Variants in RPL23A observed in about 807,000 individuals in gnomAD.
The protein encoded by RPL23A is large ribosomal subunit protein uL23.
Under a neutral mutation model 17.6 loss-of-function variants are expected in RPL23A, and 2 were observed. That is an observed-to-expected ratio of 0.11 (90% CI 0.05 to 0.36). RPL23A has a LOEUF of 0.36. Ranked by LOEUF, RPL23A falls within the 10% of genes least tolerant of loss-of-function variation. RPL23A has a pLI of 1.00. For synonymous variants in RPL23A, 65 were observed against 74.3 expected (o/e 0.87, Z 0.65); for missense variants, 132 against 194.4 (o/e 0.68, Z 1.91).
chr17:28,724,314 T>G lies in RPL23A; in HGVS notation c.*433T>G. ...TACTATGTCCAACCGGTCTGTCTGC[T>G]TCCCTCACCCCTTGCCCAATAAAGG... On this transcript the variant is annotated 3_prime_UTR_variant, in exon 5 of 5. Transcript: ENST00000422514. 1.3e-6 allele frequency: 1 copy of G among 748,382 alleles called. No individual in the cohort carries two copies. The highest frequency in any genetic ancestry group is 2.2e-6 in the Non-Finnish European group (1 of 453,042). The allele number at this position is 748,382 out of a possible 1,614,324, so 46.4% of individuals were successfully genotyped here.
chr17:28,723,815 G>A (rs192190729), intron 4 of RPL23A, 52 bp from the exon 5 acceptor site: 5 of 1,560,352 alleles, frequency 3.2e-6, no homozygotes, highest in Non-Finnish European at 4.4e-6. Context: ...TAACATTCCA[G>A]CTTAATCTTC....
In RPL23A at chr17:28,723,705, C is replaced by T. The variant is rs76539025; in HGVS notation, c.456+65C>T. The T allele has an allele frequency of 3.3e-3, 4,922 of 1,484,802 alleles. 157 individuals carry two copies. The African/African-American group carries it at 0.059, about 18-fold the overall frequency. 92.0% of individuals were successfully genotyped at this position (1,484,802 alleles called of 1,614,324 possible). A position where few individuals can be genotyped will look rare whatever the true frequency, so the allele number is the denominator to read the frequency against. On this transcript the variant is annotated intron_variant, in intron 4 of 4. Coordinates refer to ENST00000422514, the MANE Select transcript of RPL23A (RefSeq NM_000984.6). ...TGGGTGCAAATGATGCATATGTTAG[C>T]GACCAAAGCCTGATCTTTGCTGATT...
At position 28,720,353 on chromosome 17, in the gene RPL23A, T is replaced by TCATACTTTCATACTGCTCAAGG. The variant is rs1467938912; in HGVS notation, c.25+323_25+324insCATACTTTCATACTGCTCAAGG. 1.9e-6 allele frequency: 3 copies of TCATACTTTCATACTGCTCAAGG among 1,553,692 alleles called. No homozygotes were observed. The South Asian group carries it at 3.5e-5, about 18-fold the overall frequency. On this transcript the variant is annotated intron_variant, in intron 1 of 4. Transcript: ENST00000422514. ...TGTAAGGAATTAGTGCCCTCAGCTT[T>TCATACTTTCATACTGCTCAAGG]AACCATTTTCCTTCTGGTTCATGTT... is the stretch of plus-strand genomic sequence containing the variant.
Position 28,724,163 on chromosome 17 carries a change from C to CTT in RPL23A, c.*282_*283insTT. On this transcript the variant is annotated 3_prime_UTR_variant, in exon 5 of 5. Transcript: ENST00000422514. ...GTTGAGTAACAAGCTGTACAAGAAC[C>CTT]CCTTTTATCCCTGGAAGAGGCTGTG... The CTT allele has an allele frequency of 4.0e-6, 2 of 499,566 alleles. No individual in the cohort carries two copies. The highest frequency in any genetic ancestry group is 7.0e-6 in the Non-Finnish European group (2 of 286,940). 30.9% of individuals were successfully genotyped at this position (499,566 alleles called of 1,614,324 possible).
intron 1 of RPL23A, chr17:28,720,312 T>C (rs2034089435): frequency 6.4e-7 from 1 of 1,550,530 alleles, no homozygotes; most frequent in East Asian, 2.4e-5. Flanking sequence ...TGGTTGGAGC[T>C]CCATGTCCCC....
chr17:28,720,386 G>C, intron 1 of RPL23A: 1 of 1,574,938 alleles, frequency 6.3e-7, no homozygotes, highest in Non-Finnish European at 8.6e-7. Context: ...GTTCAACCGG[G>C]CTACATTACC....
chr17:28,720,235 C>G (rs569460754), intron 1 of RPL23A: 3 of 1,534,180 alleles, frequency 2.0e-6, no homozygotes, highest in Admixed American at 4.0e-5. Flanking sequence ...TGGGGGGGGG[C>G]AACGCGGCAG....
At position 28,719,992 on chromosome 17, in the gene RPL23A, A is replaced by G. The variant is rs1045346045; in HGVS notation, c.-14A>G. 101 of 1,551,668 alleles carry G rather than the reference A, an allele frequency of 6.5e-5. No individual in the cohort carries two copies. Among genetic ancestry groups the G allele is most frequent in the Non-Finnish European group, 8.6e-5 (99 of 1,147,028 alleles). On this transcript the variant is annotated 5_prime_UTR_variant, in exon 1 of 5. Transcript: ENST00000422514. The stretch of plus-strand genomic sequence containing the variant: ...AAGCCCGTGGGAACGAGCATTGGAG[A>G]CCCTTTTCACAAGATGGCGCCGAAA...
chr17:28,723,720 C>A, intron 4 of RPL23A, 80 bp downstream of exon 4: 2 of 1,429,474 alleles, frequency 1.4e-6, no homozygotes, highest in East Asian at 2.3e-5. Context: ...AAAGCCTGAT[C>A]TTTGCTGATT....
intron 1 of RPL23A, chr17:28,720,360 T>A: frequency 1.3e-6 from 2 of 1,555,788 alleles, no homozygotes; most frequent in East Asian, 2.4e-5. Flanking sequence ...CTTTAACCAT[T>A]TTCCTTCTGG....
rs2034106561 is a variant in RPL23A, at chr17:28,721,107, T to G, written c.209+217T>G. On this transcript the variant is annotated intron_variant, in intron 2 of 4. Transcript: ENST00000422514. ...TGGCTCACGTCTGTAATCCCAGCAC[T>G]TTGGGAGGCCGAGGGGGGGCGGATC... 4 of 453,472 alleles carry G rather than the reference T, an allele frequency of 8.8e-6. No homozygotes were observed. In the South Asian group the frequency reaches 8.8e-5, roughly 10 times the overall value. 28.1% of individuals were successfully genotyped at this position (453,472 alleles called of 1,614,324 possible).
At position 28,720,025 on chromosome 17, in the gene RPL23A, A is replaced by G. The variant is rs369473946; in HGVS notation, c.20A>G (p.Lys7Arg). 50 of 1,551,776 alleles carry G rather than the reference A, an allele frequency of 3.2e-5. No individual in the cohort carries two copies. The African/African-American group carries it at 6.3e-4, about 20-fold the overall frequency. ...CACAAGATGGCGCCGAAAGCGAAGA[A>G]GGAAGGTGTGTGTTGGTGATGGGGC... MAPKAK[K>R]EAPAPPKAEA... The change falls in exon 1 of 5, where the codon AAG becomes AGG. Residue 7 changes from lysine (K) to arginine (R), a missense_variant. By Grantham distance (26) the Lys-to-Arg change is conservative (BLOSUM62 2). Transcript: ENST00000422514.
chr17:28,724,004 T>TG lies in RPL23A; in HGVS notation c.*126dup. On this transcript the variant is annotated 3_prime_UTR_variant, in exon 5 of 5. Transcript: ENST00000422514. Reference sequence around the variant, plus strand: ...ACACACACACTGACATGACAGGGCTTGGGCAAGACTCCTGTTCTACTTATC... The same window carrying TG: ...ACACACACACTGACATGACAGGGCTTGGGGCAAGACTCCTGTTCTACTTATC... 2 of 648,848 alleles carry TG rather than the reference T, an allele frequency of 3.1e-6. No homozygotes were observed. 40.2% of individuals were successfully genotyped at this position (648,848 alleles called of 1,614,324 possible).
intron 3 of RPL23A, chr17:28,723,157 A>G (rs2034146289): frequency 7.6e-6 from 4 of 524,688 alleles, no homozygotes; most frequent in Admixed American, 6.7e-5. Context: ...TCAGCAGGGG[A>G]AAAAGGTTCC....
intron 2 of RPL23A, among the ~76,000 whole-genome samples, chr17:28,722,253 A>C (rs1385742629): frequency 6.6e-6 from 1 of 151,960 alleles, no homozygotes; most frequent in Non-Finnish European, 1.5e-5. Context: ...CTCAAAAAAA[A>C]AAAAAAAAAA....
rs753421358 is a variant in RPL23A, at chr17:28,722,840, T to G, written c.327T>G (p.Ile109Met). The change falls in exon 3 of 5, where the codon ATT becomes ATG. Residue 109 changes from isoleucine (I) to methionine (M), a missense_variant. Physicochemically the swap from Ile to Met is conservative, Grantham distance 10. Transcript: ENST00000422514. ...IVDVKANKHQ[I>M]KQAVKKLYDI... Reference sequence around the variant, plus strand: ...ATGTTAAAGCCAACAAGCACCAGATTAAACAGGCTGTGAAGAAGCTGTATG... The same window carrying G: ...ATGTTAAAGCCAACAAGCACCAGATGAAACAGGCTGTGAAGAAGCTGTATG... The G allele has an allele frequency of 6.2e-7, 1 of 1,613,874 alleles. No homozygotes were observed. Among genetic ancestry groups the G allele is most frequent in the East Asian group, 2.2e-5 (1 of 44,886 alleles).
rs1462387412 is a variant in RPL23A at position 28,723,608 on chromosome 17, C to T, written c.424C>T (p.Pro142Ser). ...GAAGAAGGCATATGTTCGACTGGCT[C>T]CTGATTACGATGCTTTGGATGTTGC... ...GEKKAYVRLA[P>S]DYDALDVANK... The change falls in exon 4 of 5, where the codon CCT (proline) becomes TCT (serine). Residue 142 changes from proline (P) to serine (S), a missense_variant. Around this residue, in one of 2 missense-constraint regions of RPL23A, gnomAD observed 69 missense variants for 145.5 expected, o/e 0.47. Coordinates refer to ENST00000422514, the MANE Select transcript of RPL23A (RefSeq NM_000984.6). 1.2e-6 allele frequency: 2 copies of T among 1,613,886 alleles called. No homozygotes were observed. Among genetic ancestry groups the T allele is most frequent in the Non-Finnish European group, 1.7e-6 (2 of 1,179,990 alleles).
chr17:28,723,813 C>A, intron 4 of RPL23A, 54 bp from the exon 5 acceptor site: 1 of 1,551,006 alleles, frequency 6.4e-7, no homozygotes, highest in Non-Finnish European at 8.9e-7. Flanking sequence ...AATAACATTC[C>A]AGCTTAATCT....
Position 28,723,660 on chromosome 17 carries a change from AC to A in RPL23A, c.456+24del, listed in dbSNP as rs749208727. ...AACAAAGTAAGTTTCCTTCCTACAA[AC>A]CCCTTAATGCTCACCCCTTGGGTGC... On this transcript the variant is annotated intron_variant, in intron 4 of 4. Transcript: ENST00000422514. 1.2e-6 allele frequency: 2 copies of A among 1,608,534 alleles called. No homozygotes were observed. The highest frequency in any genetic ancestry group is 2.2e-5 in the South Asian group (2 of 90,976).
Sources: gnomAD v4.1 joint callset for allele counts (sites outside exome capture counted in the v4.1 genomes callset) on GRCh38, gnomAD v4.1.1 for gene constraint, gnomAD v4.1.1 regional missense constraint, MANE v1.5 for transcripts, NCBI Gene and HGNC (gene_info 2026-07-23, HGNC 2026-07-21) for gene names.